Variants in LGI1 observed in about 807,000 individuals in gnomAD.
LGI1 encodes the protein leucine rich glioma inactivated 1.
Under a neutral mutation model 57.7 loss-of-function variants are expected in LGI1, and 11 were observed. That is an observed-to-expected ratio of 0.19 (90% CI 0.12 to 0.32). The LOEUF (loss-of-function observed/expected upper bound fraction) is 0.32. Ranked by LOEUF, LGI1 falls within the 10% of genes least tolerant of loss-of-function variation. The probability of loss-of-function intolerance (pLI) is 1.00; values close to 1 mark genes in which losing one functional copy is unlikely to be tolerated. For synonymous variants in LGI1, 222 were observed against 241.9 expected (o/e 0.92, Z 0.76); for missense variants, 422 against 661.9 (o/e 0.64, Z 3.98).
intron 4 of LGI1, among the ~76,000 whole-genome samples, chr10:93,784,952 G>A (rs913205598): frequency 2.0e-5 from 3 of 152,246 alleles, no homozygotes; most frequent in Middle Eastern, 3.4e-3. Flanking sequence ...AAGAAAACAT[G>A]ACTAAATCTT....
chr10:93,789,155 G>A (rs1309069713), intron 4 of LGI1: 1 of 132,292 alleles, frequency 7.6e-6, no homozygotes, highest in African/African-American at 2.5e-5. Flanking sequence ...AAATAGAAAG[G>A]GAAAGGGAAA....
chr10:93,775,794 G>A (rs1250354045), intron 2 of LGI1, among the ~76,000 whole-genome samples: 3 of 152,214 alleles, frequency 2.0e-5, no homozygotes, highest in Non-Finnish European at 4.4e-5. Flanking sequence ...TGGAATATGA[G>A]AAGTCCCTGG....
intron 2 of LGI1, chr10:93,777,100 A>G (rs531847064): frequency 1.8e-6 from 1 of 550,186 alleles, no homozygotes; most frequent in South Asian, 2.1e-5. Context: ...TGCTTTGGCT[A>G]TCATAGCTGC....
intron 2 of LGI1, among the ~76,000 whole-genome samples, chr10:93,761,347 C>T (rs1030482423): frequency 6.6e-6 from 1 of 152,210 alleles, no homozygotes; most frequent in Non-Finnish European, 1.5e-5. Context: ...AATTGCCACA[C>T]TCACCCATCA....
chr10:93,793,208 G>C lies in LGI1; in HGVS notation c.696G>C (p.Leu232=). 1 of 1,612,712 alleles carries C rather than the reference G, an allele frequency of 6.2e-7. No homozygotes were observed. The highest frequency in any genetic ancestry group is 1.3e-5 in the African/African-American group (1 of 74,994). Residue 232 remains leucine, a synonymous_variant, in exon 7 of 8, where the codon CTG becomes CTC. Coordinates refer to ENST00000371418, the MANE Select transcript of LGI1 (RefSeq NM_005097.4). ...CAGAATTTGCAAAGTCTCAAGACCT[G>C]CCTTATCAATCATTGTCCATAGACA... ...IITEFAKSQD[L]PYQSLSIDTF...
Position 93,758,039 on chromosome 10 carries a change from G to A in LGI1, c.-106G>A. Reference sequence around the variant, plus strand: ...TGTTTTGAAAAAGCAGAGATACAGAGGCAGAGGAAAAGGGTGGACTCCTAT... The same window carrying A: ...TGTTTTGAAAAAGCAGAGATACAGAAGCAGAGGAAAAGGGTGGACTCCTAT... On this transcript the variant is annotated 5_prime_UTR_variant, in exon 1 of 8. Transcript: ENST00000371418. The surrounding 1 kb of genome is among the most constrained non-coding windows in gnomAD (Gnocchi z 4.7). 1 of 955,490 alleles carries A rather than the reference G, an allele frequency of 1.0e-6. No homozygotes were observed. Among genetic ancestry groups the A allele is most frequent in the Non-Finnish European group, 1.7e-6 (1 of 600,238 alleles). 59.2% of individuals were successfully genotyped at this position (955,490 alleles called of 1,614,324 possible).
intron 2 of LGI1, chr10:93,771,448 A>G (rs753843142): frequency 1.3e-5 from 2 of 152,200 alleles, no homozygotes; most frequent in African/African-American, 2.4e-5. Flanking sequence ...GTTTTCACTT[A>G]TAAGTGGGGG....
chr10:93,781,376 A>AATAC (rs2059846765), intron 4 of LGI1, among the ~76,000 whole-genome samples: 1 of 151,518 alleles, frequency 6.6e-6, no homozygotes, highest in Admixed American at 6.6e-5. Context: ...TAAATAAATA[A>AATAC]ATAAATAAAT....
chr10:93,760,894 G>A (rs774416992), intron 2 of LGI1, among the ~76,000 whole-genome samples: 1 of 152,046 alleles, frequency 6.6e-6, no homozygotes, highest in African/African-American at 2.4e-5. Context: ...GTGTGTTCTC[G>A]GTTAACTCAG....
intron 2 of LGI1, among the ~76,000 whole-genome samples, chr10:93,761,167 G>C (rs1344358511): frequency 1.3e-5 from 2 of 152,198 alleles, no homozygotes; most frequent in Admixed American, 1.3e-4. Context: ...GGATCCCACA[G>C]AGAAAGATCT....
At chr10:93,783,644 T>C (rs914199135) in intron 4 of LGI1, among the ~76,000 whole-genome samples, 1 of 152,200 alleles carries the variant, frequency 6.6e-6, no homozygotes, top group South Asian at 2.1e-4. Context: ...GAGCATCCTC[T>C]GCTCTTTTCT....
At chr10:93,759,042 T>C (rs1589747786) in intron 2 of LGI1, 11 of 581,230 alleles carry the variant, frequency 1.9e-5, no homozygotes, top group Non-Finnish European at 2.7e-5. Flanking sequence ...TAACCTGTCA[T>C]GCTGTCTACT....
At chr10:93,765,926 C>T (rs930622685) in intron 2 of LGI1, among the ~76,000 whole-genome samples, 44 of 147,220 alleles carry the variant, frequency 3.0e-4, no homozygotes, top group African/African-American at 1.1e-3. Context: ...GCCGAGATCG[C>T]GCCACTGCAC....
rs144140287 is a variant in LGI1 at position 93,759,300 on chromosome 10, T to G, written c.287+469T>G. 164 of 169,570 alleles carry G rather than the reference T, an allele frequency of 9.7e-4. No individual in the cohort carries two copies. The Middle Eastern group carries it at 0.016, about 16-fold the overall frequency. 10.5% of individuals were successfully genotyped at this position (169,570 alleles called of 1,614,324 possible). On this transcript the variant is annotated intron_variant, in intron 2 of 7. Coordinates refer to ENST00000371418, the MANE Select transcript of LGI1 (RefSeq NM_005097.4). ...ACCTCAGCTCTTTCTAGGTAATTCC[T>G]TAAAATGTTAATTCTCAAGAGACTG...
intron 7 of LGI1, among the ~76,000 whole-genome samples, chr10:93,795,454 C>T (rs1436418885): frequency 6.6e-6 from 1 of 152,188 alleles, no homozygotes; most frequent in African/African-American, 2.4e-5. Flanking sequence ...TGCAAGGGCA[C>T]AAATTCCATT....
At chr10:93,794,019 C>CTTTTTTTTTTTT (rs5787082) in intron 7 of LGI1, 36 of 87,826 alleles carry the variant, frequency 4.1e-4, no homozygotes, top group African/African-American at 1.4e-3. Flanking sequence ...CTTTTTTTTT[C>CTTTTTTTTTTTT]TTTTTTTTTT....
At chr10:93,790,929 A>G (rs1445686116) in intron 5 of LGI1, 1 of 152,386 alleles carries the variant, frequency 6.6e-6, no homozygotes, top group Admixed American at 6.5e-5. Context: ...ACAGGAACAA[A>G]TGAAAGGATA....
At chr10:93,776,587 CTATTAT>C (rs2059796669) in intron 2 of LGI1, among the ~76,000 whole-genome samples, 1 of 152,020 alleles carries the variant, frequency 6.6e-6, no homozygotes, top group Admixed American at 6.6e-5. Flanking sequence ...AACAGAATTA[CTATTAT>C]TATTATTACA....
At chr10:93,759,677 A>G (rs1366670354) in intron 2 of LGI1, among the ~76,000 whole-genome samples, 2 of 152,320 alleles carry the variant, frequency 1.3e-5, no homozygotes, top group Non-Finnish European at 2.9e-5. Flanking sequence ...GAATTAGACA[A>G]TTGTGGATCA....
Sources: allele counts gnomAD v4.1 joint callset (sites outside exome capture counted in the v4.1 genomes callset), GRCh38; gene constraint gnomAD v4.1.1; non-coding constraint Gnocchi (gnomAD v3.1); transcripts MANE v1.5; gene names NCBI Gene and HGNC (gene_info 2026-07-23, HGNC 2026-07-21).